The following USH2A variants were observed in gnomAD, a reference collection of about 807,000 sequenced individuals.
USH2A encodes Usher syndrome 2A (autosomal recessive, mild).
Under a neutral mutation model 538.9 loss-of-function variants are expected in USH2A, and 443 were observed. That is an observed-to-expected ratio of 0.82 (90% CI 0.76 to 0.89). The LOEUF is 0.89. Among genes scored for constraint, USH2A ranks in the 40% least tolerant of loss-of-function variants. The pLI, the probability that USH2A is intolerant of heterozygous loss-of-function variation, is 0.00. For synonymous variants in USH2A, 2,413 were observed against 2,273.5 expected (o/e 1.06, Z -1.75); for missense variants, 6,633 against 6,324.8 (o/e 1.05, Z -1.65).
At chr1:216,083,330 A>G (rs1407142083) in intron 26 of USH2A, 126 bp downstream of exon 26, 13 of 1,083,348 alleles carry the variant, frequency 1.2e-5, no homozygotes, top group East Asian at 2.7e-5. Flanking sequence ...AATGACTGGG[A>G]AAAAAAATGA....
intron 44 of USH2A, among the ~76,000 whole-genome samples, chr1:215,859,585 C>T (rs1664262423): frequency 6.6e-6 from 1 of 151,964 alleles, no homozygotes; most frequent in Admixed American, 6.6e-5. Context: ...AGAAGGCCAA[C>T]TTTTCATATA....
intron 3 of USH2A, among the ~76,000 whole-genome samples, chr1:216,375,028 T>C (rs1571755039): frequency 6.6e-6 from 1 of 152,124 alleles, no homozygotes; most frequent in Non-Finnish European, 1.5e-5. Context: ...ACTATGGATA[T>C]ATAGGGAATA....
intron 61 of USH2A, among the ~76,000 whole-genome samples, chr1:215,688,570 T>G (rs1281912207): frequency 6.6e-6 from 1 of 152,116 alleles, no homozygotes; most frequent in Non-Finnish European, 1.5e-5. Flanking sequence ...TTGCAATTCT[T>G]GAGGTTAGAA....
intron 61 of USH2A, among the ~76,000 whole-genome samples, chr1:215,699,385 T>C (rs911353692): frequency 2.6e-5 from 4 of 152,214 alleles, no homozygotes; most frequent in South Asian, 2.1e-4. Flanking sequence ...TGGGGTAGCA[T>C]TGAATCTATA....
chr1:215,910,990 C>A (rs190138913), intron 38 of USH2A, among the ~76,000 whole-genome samples: 1 of 151,696 alleles, frequency 6.6e-6, no homozygotes, highest in East Asian at 1.9e-4. Context: ...CTGCTTATAC[C>A]CAATACAGAG....
rs11811012 is a variant in USH2A at position 215,742,894 on chromosome 1, C to T, written c.11548+283G>A. 0.05 allele frequency among the ~76,000 whole-genome samples: 7,534 copies of T among 152,054 alleles called. 220 individuals are homozygous for T. Among genetic ancestry groups the T allele is most frequent in the African/African-American group, 0.074 (3,050 of 41,470 alleles). On this transcript the variant is annotated intron_variant, in intron 59 of 71. Transcript: ENST00000307340. ...TTTTTGTTTTATATTACCAAAGACT[C>T]CTTTATGTGAGCTAGGTGTTTTTCT...
chr1:215,842,808 TG>T (rs1663719959), intron 46 of USH2A, among the ~76,000 whole-genome samples: 1 of 151,724 alleles, frequency 6.6e-6, no homozygotes, highest in Non-Finnish European at 1.5e-5. Context: ...TGGGGCCTGT[TG>T]GGGGGGCATC....
In USH2A at chr1:215,629,245, A is replaced by T. The variant is rs535707794; in HGVS notation, c.15298-210T>A. Among the ~76,000 whole-genome samples, 9 of 152,252 alleles carry T rather than the reference A, an allele frequency of 5.9e-5. No individual in the cohort carries two copies. In the East Asian group the frequency reaches 1.5e-3, roughly 26 times the overall value. On this transcript the variant is annotated intron_variant, in intron 70 of 71. Transcript: ENST00000307340. The stretch of plus-strand genomic sequence containing the variant: ...GACCCTGGGTTTCTTGGTAAGAAGG[A>T]TGAGATGATGAGCTAATACTCAAGT...
intron 32 of USH2A, among the ~76,000 whole-genome samples, chr1:216,019,972 TAAC>T (rs1668809818): frequency 1.3e-5 from 2 of 152,216 alleles, no homozygotes; most frequent in Non-Finnish European, 2.9e-5. Flanking sequence ...AAGTGTAAAT[TAAC>T]AACTAGTAGT....
Position 215,900,752 on chromosome 1 carries a change from C to T in USH2A, c.7451+3G>A, listed in dbSNP as rs397518030. On this transcript the variant is annotated splice_donor_region_variant and intron_variant, in intron 39 of 71. Transcript: ENST00000307340. ...GATAGAATGGACAAAGTAGAATGCT[C>T]ACTCTAGAAATCCATGGGTGGAGTC... The T allele has an allele frequency of 1.5e-5, 25 of 1,613,394 alleles. No individual in the cohort carries two copies. The East Asian group carries it at 4.2e-4, about 27-fold the overall frequency.
chr1:215,705,035 T>C (rs1471867164), intron 61 of USH2A, among the ~76,000 whole-genome samples: 3 of 152,258 alleles, frequency 2.0e-5, no homozygotes, highest in Non-Finnish European at 4.4e-5. Flanking sequence ...CATTATCTTA[T>C]TGGCAATATG....
At chr1:215,982,111 C>A (rs1667765866) in intron 35 of USH2A, among the ~76,000 whole-genome samples, 1 of 152,218 alleles carries the variant, frequency 6.6e-6, no homozygotes, top group Admixed American at 6.5e-5. Flanking sequence ...TTTCAGGGAT[C>A]TTCCTCCAAC....
At chr1:216,348,689 A>T (rs187283458) in intron 4 of USH2A, among the ~76,000 whole-genome samples, 132 of 152,260 alleles carry the variant, frequency 8.7e-4, no homozygotes, top group Non-Finnish European at 1.7e-3. Flanking sequence ...CGATTCTATT[A>T]TAATTTGTCT....
In USH2A at chr1:216,324,718, T is replaced by C. The variant is rs536555872; in HGVS notation, c.1144-366A>G. Among the ~76,000 whole-genome samples the C allele has an allele frequency of 2.8e-4, 42 of 152,332 alleles. 1 individual carries two copies. The South Asian group carries it at 8.1e-3, about 29-fold the overall frequency. ...AATTATTTTCAACATTTCATAAATA[T>C]CATTTTGATACAAATCTCAAACATA... On this transcript the variant is annotated intron_variant, in intron 6 of 71. Coordinates refer to ENST00000307340, the MANE Select transcript of USH2A (RefSeq NM_206933.4).
At chr1:216,093,577 C>A (rs1558255014) in intron 22 of USH2A, among the ~76,000 whole-genome samples, 1 of 152,050 alleles carries the variant, frequency 6.6e-6, no homozygotes, top group Non-Finnish European at 1.5e-5. Context: ...ACCCCTTTAC[C>A]CTCCTATCCT....
rs568388777 is a variant in USH2A at position 215,789,924 on chromosome 1, T to C, written c.10182+135A>G. On this transcript the variant is annotated intron_variant, in intron 51 of 71. Transcript: ENST00000307340. ...CAATCATAGCGAACTCATTCGGTATTAATATGGATGTAATGTGAAAATGAA... is the reference window on the plus strand; with the variant it reads ...CAATCATAGCGAACTCATTCGGTATCAATATGGATGTAATGTGAAAATGAA... The C allele has an allele frequency of 3.3e-4, 258 of 788,316 alleles. 2 individuals are homozygous for C. The highest frequency in any genetic ancestry group is 5.1e-4 in the Non-Finnish European group (245 of 484,892). The allele number at this position is 788,316 out of a possible 1,614,324, so 48.8% of individuals were successfully genotyped here.
chr1:215,747,582 A>G lies in USH2A; in HGVS notation c.11390-4247T>C, dbSNP rs967278212. 1.2e-4 allele frequency among the ~76,000 whole-genome samples: 18 copies of G among 152,192 alleles called. No individual in the cohort carries two copies. The South Asian group carries it at 2.9e-3, about 25-fold the overall frequency. On this transcript the variant is annotated intron_variant, in intron 58 of 71. Transcript: ENST00000307340. ...TTAAGTACTGTGCCAGAGGTAAAATAAAAAGTAATATAATCAGGTTTCTTC... is the reference window on the plus strand; with the variant it reads ...TTAAGTACTGTGCCAGAGGTAAAATGAAAAGTAATATAATCAGGTTTCTTC...
Position 215,629,027 on chromosome 1 carries a change from G to C in USH2A, c.15306C>G (p.Ala5102=), listed in dbSNP as rs149506333. 1 of 1,612,866 alleles carries C rather than the reference G, an allele frequency of 6.2e-7. No individual in the cohort carries two copies. The highest frequency in any genetic ancestry group is 2.0e-4 in the Middle Eastern group (1 of 5,064). ...TCCCAGACCGGGGAATTTTGGTATC[G>C]GCTAACCCCTGAGAAGGAAGTTGCT... is the stretch of plus-strand genomic sequence containing the variant. ...YPPGENHMGL[A]DTKIPRSGTP... The change falls in exon 71 of 72, where the codon GCC becomes GCG. Residue 5102 remains alanine, a synonymous_variant. Coordinates refer to ENST00000307340, the MANE Select transcript of USH2A (RefSeq NM_206933.4).
chr1:216,289,983 C>T (rs576521799), intron 10 of USH2A, among the ~76,000 whole-genome samples: 32 of 152,126 alleles, frequency 2.1e-4, no homozygotes, highest in Non-Finnish European at 4.6e-4. Context: ...ATACCAAGTA[C>T]TTTTCATACT....
Sources: gnomAD v4.1 joint callset for allele counts (sites outside exome capture counted in the v4.1 genomes callset) on GRCh38, gnomAD v4.1.1 for gene constraint, MANE v1.5 for transcripts, NCBI Gene and HGNC (gene_info 2026-07-23, HGNC 2026-07-21) for gene names.